Variants in DNAH5 observed in about 807,000 individuals in gnomAD.
DNAH5 encodes the protein dynein axonemal heavy chain 5, also known as axonemal beta dynein heavy chain 5.
DNAH5 carries 372 observed loss-of-function variants against 518.2 expected under a neutral mutation model. The observed-to-expected ratio is 0.72, with a 90% CI of 0.66 to 0.78. The LOEUF (loss-of-function observed/expected upper bound fraction) is 0.78. DNAH5 is among the 30% of genes least tolerant of loss of function. The pLI is 0.00. For synonymous variants in DNAH5, 2,039 were observed against 2,025.9 expected, an observed-to-expected ratio of 1.01 and a Z score of -0.17; for missense variants, 5,523 against 5,687.0, an observed-to-expected ratio of 0.97 and a Z score of 0.93.
At chr5:13,784,788 AT>A (rs1755724716) in intron 52 of DNAH5, among the ~76,000 whole-genome samples, 1 of 152,168 alleles carries the variant, frequency 6.6e-6, no homozygotes, top group African/African-American at 2.4e-5. Flanking sequence ...TCAACAATGG[AT>A]TTTTACATGG....
At chr5:13,713,396 C>CATAT (rs1406046791) in intron 75 of DNAH5, among the ~76,000 whole-genome samples, 1 of 117,658 alleles carries the variant, frequency 8.5e-6, no homozygotes, top group East Asian at 2.3e-4. Flanking sequence ...TATACACTGA[C>CATAT]ATATATATAT....
Position 13,902,134 on chromosome 5 carries a change from T to G in DNAH5, c.1649A>C (p.Glu550Ala). Residue 550 changes from glutamate to alanine, a missense_variant, in exon 13 of 79, where the codon GAG becomes GCG. Coordinates refer to ENST00000265104, the MANE Select transcript of DNAH5 (RefSeq NM_001369.3). The stretch of plus-strand genomic sequence containing the variant: ...TGTAACATCCATGAACTTCCGCAAC[T>G]CGTTCTAAAACAGAATAAAATCTGA... ...FCKQTNDLHN[E>A]LRKFMDVTFA... 1 of 1,603,326 alleles carries G rather than the reference T, an allele frequency of 6.2e-7. No homozygotes were observed. Among genetic ancestry groups the G allele is most frequent in the Non-Finnish European group, 8.5e-7 (1 of 1,172,184 alleles).
Position 13,792,174 on chromosome 5 carries a change from T to G in DNAH5, c.8268A>C (p.Ser2756=), listed in dbSNP as rs775185371. ...TTGTCACAGAATCTCTCACTTCTTC[T>G]GAGAAACCCCTCTGAGTACAGTAGT... is the stretch of plus-strand genomic sequence containing the variant. ...VGHYCTQRGF[S]EEVRDSVTKL... The change falls in exon 50 of 79, where the codon TCA becomes TCC. Residue 2756 remains serine (S), a synonymous_variant. Transcript: ENST00000265104. 7.8e-5 allele frequency: 126 copies of G among 1,613,924 alleles called. 1 individual carries two copies. In the Admixed American group the frequency reaches 2.1e-3, roughly 27 times the overall value.
chr5:13,703,081 C>T (rs1742335958), intron 76 of DNAH5, among the ~76,000 whole-genome samples: 1 of 152,106 alleles, frequency 6.6e-6, no homozygotes, highest in African/African-American at 2.4e-5. Flanking sequence ...TCAGAAAACT[C>T]TTCTAGATCC....
rs1404728320 is a variant in DNAH5, at chr5:13,793,650, T to C, written c.8089A>G (p.Ile2697Val). 3 of 1,614,192 alleles carry C rather than the reference T, an allele frequency of 1.9e-6. No individual in the cohort carries two copies. The highest frequency in any genetic ancestry group is 1.1e-5 in the South Asian group (1 of 91,080). ...GCTGCCAAAAACTGGATGTCCACGATGCTGGTGAACTCCCCAGGCTTCTCT... is the reference window on the plus strand; with the variant it reads ...GCTGCCAAAAACTGGATGTCCACGACGCTGGTGAACTCCCCAGGCTTCTCT... ...NLEKPGEFTS[I>V]VDIQFLAAMI... Residue 2697 changes from isoleucine (I) to valine (V), a missense_variant, in exon 49 of 79, where the codon ATC (isoleucine) becomes GTC (valine). Physicochemically the swap from Ile to Val is conservative, Grantham distance 29. Coordinates refer to ENST00000265104, the MANE Select transcript of DNAH5 (RefSeq NM_001369.3).
chr5:13,855,776 T>G (rs1767545983), intron 30 of DNAH5, among the ~76,000 whole-genome samples: 1 of 152,034 alleles, frequency 6.6e-6, no homozygotes, highest in Non-Finnish European at 1.5e-5. Flanking sequence ...TGCAAAAGAA[T>G]GCAAATCATA....
chr5:13,794,719 AC>A (rs1757554246), intron 47 of DNAH5, among the ~76,000 whole-genome samples: 1 of 152,176 alleles, frequency 6.6e-6, no homozygotes, highest in South Asian at 2.1e-4. Flanking sequence ...TAATCCCAGC[AC>A]TTTGGGAGGC....
At chr5:14,000,635 C>A (rs954890201) in intron 1 of DNAH5, among the ~76,000 whole-genome samples, 2,232 of 124,956 alleles carry the variant, frequency 0.018, no homozygotes, top group South Asian at 0.022. Flanking sequence ...GTTAAAAAGC[C>A]AAAAAAAAAA....
rs192694347 is a variant in DNAH5, at chr5:13,768,633, G to A, written c.9897+327C>T. ...CATTGGCCTCAATGAATGAATGAGA[G>A]AATGTTGCCTTAGAAAGTTGATGTA... On this transcript the variant is annotated intron_variant, in intron 58 of 78. Transcript: ENST00000265104. Among the ~76,000 whole-genome samples the A allele has an allele frequency of 2.6e-5, 4 of 152,276 alleles. No individual in the cohort carries two copies. In the East Asian group the frequency reaches 5.8e-4, roughly 22 times the overall value.
intron 1 of DNAH5, among the ~76,000 whole-genome samples, chr5:13,962,980 C>T (rs761210920): frequency 6.6e-6 from 1 of 152,094 alleles, no homozygotes; most frequent in Non-Finnish European, 1.5e-5. Context: ...CCACAGTCGC[C>T]GCGTCCCAAG....
intron 5 of DNAH5, among the ~76,000 whole-genome samples, chr5:13,921,475 T>TCTCACACACACACACACACACA (rs1554103992): frequency 1.4e-5 from 1 of 73,698 alleles, no homozygotes; most frequent in Non-Finnish European, 2.9e-5. Flanking sequence ...TATCTCTCTC[T>TCTCACACACACACACACACACA]CACACACACA....
At chr5:13,764,145 A>T (rs2126752544) in intron 59 of DNAH5, among the ~76,000 whole-genome samples, 1 of 152,344 alleles carries the variant, frequency 6.6e-6, no homozygotes, top group South Asian at 2.1e-4. Context: ...AGATTTGAAC[A>T]TGAAAGAAAA....
rs2151861677 is a variant in DNAH5, at chr5:13,841,722, T to C, written c.5454A>G (p.Leu1818=). 2 of 1,613,878 alleles carry C rather than the reference T, an allele frequency of 1.2e-6. No homozygotes were observed. Among genetic ancestry groups the C allele is most frequent in the East Asian group, 2.2e-5 (1 of 44,868 alleles). The change falls in exon 33 of 79, where the codon CTA becomes CTG. Residue 1818 remains leucine (L), a synonymous_variant. Transcript: ENST00000265104. ...AANIQETGFQ[L]TEFLSSFPAQ... is the part of the protein sequence containing the mutation. ...CAGGGAAGGATGAAAGAAATTCAGT[T>C]AGTTGGAAACCTGTTTCTTGAATAT...
intron 1 of DNAH5, among the ~76,000 whole-genome samples, chr5:13,938,545 T>C (rs1280881793): frequency 6.6e-6 from 1 of 151,104 alleles, no homozygotes; most frequent in African/African-American, 2.4e-5. Context: ...CATATGTATA[T>C]ATAAAAAATG....
At position 13,791,990 on chromosome 5, in the gene DNAH5, T is replaced by C. The variant is rs2126899460; in HGVS notation, c.8448+4A>G. On this transcript the variant is annotated splice_donor_region_variant and intron_variant, in intron 50 of 78. Transcript: ENST00000265104. The stretch of plus-strand genomic sequence containing the variant: ...TTTGTTTTTCTTTCTTCAGTGTCAC[T>C]TACATTTGGTTCCTTGATGACCTCT... The C allele has an allele frequency of 6.2e-7, 1 of 1,610,576 alleles. No homozygotes were observed. The highest frequency in any genetic ancestry group is 1.3e-5 in the African/African-American group (1 of 74,730).
chr5:13,788,776 C>T lies in DNAH5; in HGVS notation c.8587G>A (p.Val2863Met), dbSNP rs1756483888. 1 of 1,614,098 alleles carries T rather than the reference C, an allele frequency of 6.2e-7. No individual in the cohort carries two copies. The highest frequency in any genetic ancestry group is 8.5e-7 in the Non-Finnish European group (1 of 1,179,992). ...EEFGEEKKLL[V>M]DCGIDTYFVD... ...AAATATGTGTCAATTCCACAATCCA[C>T]CAAGAGTTTTTTCTCTTCACCAAAC... Residue 2863 changes from valine (V) to methionine (M), a missense_variant, in exon 51 of 79, where the codon GTG (valine) becomes ATG (methionine). By Grantham distance (21) the Val-to-Met change is conservative. Around this residue, in one of 3 missense-constraint regions of DNAH5, gnomAD observed 5,121 missense variants for 5,223.3 expected, o/e 0.98. Coordinates refer to ENST00000265104, the MANE Select transcript of DNAH5 (RefSeq NM_001369.3).
chr5:13,841,663 A>T (rs1302647650), intron 33 of DNAH5, 29 bp downstream of exon 33: 3 of 1,553,574 alleles, frequency 1.9e-6, no homozygotes, highest in Non-Finnish European at 2.7e-6. Context: ...TATTTTACAA[A>T]ACATACTTTC....
At chr5:13,940,553 C>T (rs1779362476) in intron 1 of DNAH5, among the ~76,000 whole-genome samples, 3 of 152,160 alleles carry the variant, frequency 2.0e-5, no homozygotes, top group Admixed American at 2.0e-4. Context: ...AATACTGATG[C>T]CTGGGCCTCC....
intron 52 of DNAH5, among the ~76,000 whole-genome samples, chr5:13,782,149 G>T (rs1200550639): frequency 6.6e-6 from 1 of 152,110 alleles, no homozygotes; most frequent in African/African-American, 2.4e-5. Flanking sequence ...TCACTGCGAT[G>T]TCCATCTTTC....
Sources: allele counts gnomAD v4.1 joint callset (sites outside exome capture counted in the v4.1 genomes callset), GRCh38; gene constraint gnomAD v4.1.1; regional missense constraint gnomAD v4.1.1; transcripts MANE v1.5; gene names NCBI Gene and HGNC (gene_info 2026-07-23, HGNC 2026-07-21).